GPHN: variants seen among roughly 807,000 people sequenced by gnomAD.
GPHN encodes the protein gephyrin.
Under a neutral mutation model 95.5 loss-of-function variants are expected in GPHN, and 17 were observed. That is an observed-to-expected ratio of 0.18 (90% CI 0.12 to 0.27). The LOEUF (loss-of-function observed/expected upper bound fraction) is 0.27, where lower values mean the gene tolerates loss of function less well. Ranked by LOEUF, GPHN falls within the 10% of genes least tolerant of loss-of-function variation. GPHN has a pLI of 1.00. For missense variants in GPHN, 660 were observed against 978.1 expected (o/e 0.67, Z 4.34); for synonymous variants, 320 against 322.5 (o/e 0.99, Z 0.08).
intron 10 of GPHN, among the ~76,000 whole-genome samples, chr14:67,044,373 C>T (rs997556186): frequency 5.3e-5 from 8 of 152,028 alleles, no homozygotes; most frequent in African/African-American, 1.9e-4. Flanking sequence ...ATAATTTGCT[C>T]ACTTAATATT....
chr14:66,520,883 A>G (rs1043562915), intron 1 of GPHN, among the ~76,000 whole-genome samples: 2 of 151,850 alleles, frequency 1.3e-5, no homozygotes, highest in East Asian at 1.9e-4. Context: ...AGCAGGCCCC[A>G]GTGTCTGTCG....
chr14:67,330,219 A>G, the GPHN span, among the ~76,000 whole-genome samples: 1 of 150,622 alleles, frequency 6.6e-6, no homozygotes, highest in South Asian at 2.1e-4. Context: ...GTTGGAGGGC[A>G]TTTGTCTTTA....
At chr14:67,653,399 T>C in the GPHN span, 2 of 1,592,370 alleles carry the variant, frequency 1.3e-6, no homozygotes, top group Non-Finnish European at 1.7e-6. Flanking sequence ...TGAAAGCCAC[T>C]GAGTTAAGAG....
At chr14:66,704,598 G>A (rs777996188) in intron 2 of GPHN, among the ~76,000 whole-genome samples, 4 of 152,204 alleles carry the variant, frequency 2.6e-5, no homozygotes, top group Non-Finnish European at 5.9e-5. Flanking sequence ...AATTCAAGAT[G>A]TTCTTTGAAT....
chr14:66,531,082 A>G (rs537498486), intron 1 of GPHN, among the ~76,000 whole-genome samples: 1 of 149,726 alleles, frequency 6.7e-6, no homozygotes, highest in Non-Finnish European at 1.5e-5. Context: ...AATAGCTGGG[A>G]TTACAGGCAC....
the GPHN span, chr14:67,562,960 A>T: frequency 5.4e-6 from 8 of 1,470,134 alleles, no homozygotes; most frequent in Non-Finnish European, 7.3e-6. Context: ...CTGGCTGAGC[A>T]CAGCCATGCA....
At chr14:67,522,852 A>G in the GPHN span, among the ~76,000 whole-genome samples, 1 of 152,232 alleles carries the variant, frequency 6.6e-6, no homozygotes, top group African/African-American at 2.4e-5. Context: ...TGGACCTGCT[A>G]GAACCCTGCC....
the GPHN span, chr14:67,621,059 G>A: frequency 8.0e-7 from 1 of 1,242,928 alleles, no homozygotes; most frequent in Non-Finnish European, 1.2e-6. Context: ...ACAGCTTTGT[G>A]TTTGGGAACA....
At chr14:66,546,759 G>A (rs1245010229) in intron 1 of GPHN, among the ~76,000 whole-genome samples, 2 of 147,014 alleles carry the variant, frequency 1.4e-5, no homozygotes, top group South Asian at 2.3e-4. Flanking sequence ...GAGGGAGACC[G>A]TGGAAAGAGA....
chr14:66,571,743 G>A (rs1289111583), intron 1 of GPHN, among the ~76,000 whole-genome samples: 6 of 151,978 alleles, frequency 3.9e-5, no homozygotes, highest in African/African-American at 9.7e-5. Flanking sequence ...CCTGGGAGTC[G>A]GAGCTTACAG....
chr14:66,849,133 A>T (rs536010441), intron 4 of GPHN, among the ~76,000 whole-genome samples: 18 of 152,092 alleles, frequency 1.2e-4, no homozygotes, highest in African/African-American at 4.1e-4. Flanking sequence ...ATGTAGCAAA[A>T]GATGATAGAA....
chr14:66,690,040 A>T (rs931993923), intron 2 of GPHN, among the ~76,000 whole-genome samples: 1 of 150,704 alleles, frequency 6.6e-6, no homozygotes, highest in Non-Finnish European at 1.5e-5. Flanking sequence ...TTTTTTCTCA[A>T]TTTTACTTAT....
In GPHN at chr14:66,681,163, G is replaced by T; in HGVS notation, c.121G>T (p.Asp41Tyr). Reference sequence around the variant, plus strand: ...AGACCGCAGTGGGATAAATCTCAAAGATCTCGTACAAGATCCTTCTTTGTG... The same window carrying T: ...AGACCGCAGTGGGATAAATCTCAAATATCTCGTACAAGATCCTTCTTTGTG... ...AEDRSGINLK[D>Y]LVQDPSLLGG... Residue 41 changes from aspartate to tyrosine, a missense_variant, in exon 2 of 23, where the codon GAT (aspartate) becomes TAT (tyrosine). Physicochemically the swap from Asp to Tyr is radical, Grantham distance 160. Transcript: ENST00000478722. 6.3e-7 allele frequency: 1 copy of T among 1,592,876 alleles called. No homozygotes were observed. The highest frequency in any genetic ancestry group is 8.6e-7 in the Non-Finnish European group (1 of 1,162,072).
chr14:66,593,432 C>A (rs1236131941), intron 1 of GPHN, among the ~76,000 whole-genome samples: 1 of 152,118 alleles, frequency 6.6e-6, no homozygotes, highest in South Asian at 2.1e-4. Flanking sequence ...GGGAAGCAGG[C>A]ATGTCTTACA....
intron 3 of GPHN, among the ~76,000 whole-genome samples, chr14:66,780,030 A>AT (rs1392205416): frequency 5.3e-5 from 8 of 152,300 alleles, no homozygotes; most frequent in African/African-American, 1.4e-4. Context: ...GAAAAATATT[A>AT]TTTCAGAAAG....
chr14:67,707,094 TA>T, the GPHN span, among the ~76,000 whole-genome samples: 12 of 152,230 alleles, frequency 7.9e-5, no homozygotes, highest in African/African-American at 2.9e-4. Context: ...TTCTGAAGTT[TA>T]AGTTGTCTAG....
At chr14:66,986,307 C>G (rs1346267097) in intron 9 of GPHN, among the ~76,000 whole-genome samples, 1 of 152,014 alleles carries the variant, frequency 6.6e-6, no homozygotes, top group African/African-American at 2.4e-5. Context: ...GTTATGCCCT[C>G]TTAATCCCCT....
intron 5 of GPHN, among the ~76,000 whole-genome samples, chr14:66,913,547 T>G (rs1387307358): frequency 6.6e-6 from 1 of 152,138 alleles, no homozygotes; most frequent in African/African-American, 2.4e-5. Flanking sequence ...TTCACTATAT[T>G]GGCCAGGCTG....
intron 4 of GPHN, among the ~76,000 whole-genome samples, chr14:66,854,578 C>G (rs376472088): frequency 1.2e-3 from 180 of 152,248 alleles, no homozygotes; most frequent in African/African-American, 4.0e-3. Context: ...ACAACTGATT[C>G]TTTTTCATGG....
Sources: gnomAD v4.1 joint callset for allele counts (sites outside exome capture counted in the v4.1 genomes callset) on GRCh38, gnomAD v4.1.1 for gene constraint, MANE v1.5 for transcripts, NCBI Gene and HGNC (gene_info 2026-07-23, HGNC 2026-07-21) for gene names.